HHATL: variants seen among roughly 807,000 people sequenced by gnomAD.
The protein encoded by HHATL is protein-cysteine N-palmitoyltransferase HHAT-like protein.
HHATL carries 49 observed loss-of-function variants against 59.7 expected under a neutral mutation model. The observed-to-expected ratio is 0.82, with a 90% CI of 0.65 to 1.04. The LOEUF (loss-of-function observed/expected upper bound fraction) is 1.04. Among genes scored for constraint, HHATL ranks in the 50% least tolerant of loss-of-function variants. HHATL has a pLI of 0.00. For missense variants in HHATL, 605 were observed against 650.8 expected (o/e 0.93, Z 0.77); for synonymous variants, 238 against 257.3 (o/e 0.93, Z 0.72).
At chr3:42,693,934 A>T in intron 9 of HHATL, 116 bp from the exon 10 acceptor site, 3 of 814,164 alleles carry the variant, frequency 3.7e-6, no homozygotes, top group Non-Finnish European at 6.0e-6. Flanking sequence ...TGCATTCAAC[A>T]TTCCTGACCT....
At chr3:42,700,288 A>G (rs111163406) in intron 2 of HHATL, among the ~76,000 whole-genome samples, 4,520 of 40,204 alleles carry the variant, frequency 0.11, no homozygotes, top group Non-Finnish European at 0.13. Context: ...CTGTGTGTGT[A>G]TGTGTGTGTG....
In HHATL at chr3:42,697,611, G is replaced by T; in HGVS notation, c.762C>A (p.Ser254Arg). Residue 254 changes from serine (S) to arginine (R), a missense_variant, in exon 7 of 12, where the codon AGC (serine) becomes AGA (arginine). Coordinates refer to ENST00000441594, the MANE Select transcript of HHATL (RefSeq NM_020707.4). ...TGTCGACGGCCATGATGGCCACCAC[G>T]CTTAGGCCTGCCTGGGCTCGGATGT... is the stretch of plus-strand genomic sequence containing the variant. The part of the protein sequence containing the change: ...LWHIRAQAGL[S>R]VVAIMAVDIF... The T allele has an allele frequency of 1.2e-6, 2 of 1,614,142 alleles. No homozygotes were observed. The highest frequency in any genetic ancestry group is 1.3e-5 in the African/African-American group (1 of 75,060).
At position 42,698,920 on chromosome 3, in the gene HHATL, G is replaced by T. The variant is rs368151427; in HGVS notation, c.289-18C>A. The T allele has an allele frequency of 1.5e-4, 233 of 1,603,816 alleles. No individual in the cohort carries two copies. Among genetic ancestry groups the T allele is most frequent in the Non-Finnish European group, 1.8e-4 (217 of 1,173,770 alleles). On this transcript the variant is annotated intron_variant, in intron 4 of 11. Transcript: ENST00000441594. ...GAGCGGAGCTGTGGGCAGGGAGAAG[G>T]CTTCAGTTTCGCCATATAAATGGGG...
Position 42,693,215 on chromosome 3 carries a change from A to G in HHATL, c.1252T>C (p.Ser418Pro). ...CTACGGGACATCTGCACTGACAGAG[A>G]GGCCTATCCGGTCCAGGAAAGCATG... The part of the protein sequence containing the change: ...EWGPLARIEA[S>P]LSVQMSRRVR... Residue 418 changes from serine (S) to proline (P), a missense_variant, in exon 11 of 12, where the codon TCT (serine) becomes CCT (proline). Coordinates refer to ENST00000441594, the MANE Select transcript of HHATL (RefSeq NM_020707.4). The G allele has an allele frequency of 6.2e-7, 1 of 1,613,978 alleles. No individual in the cohort carries two copies. The highest frequency in any genetic ancestry group is 1.1e-5 in the South Asian group (1 of 91,074).
At chr3:42,700,690 C>T in intron 2 of HHATL, 31 bp downstream of exon 2, 1 of 1,493,908 alleles carries the variant, frequency 6.7e-7, no homozygotes, top group Non-Finnish European at 9.3e-7. Context: ...AAGAAGGGTC[C>T]TGTCCACCTG....
Position 42,697,130 on chromosome 3 carries a change from G to T in HHATL, c.881C>A (p.Ser294Ter). 2 of 1,540,696 alleles carry T rather than the reference G, an allele frequency of 1.3e-6. No homozygotes were observed. Among genetic ancestry groups the T allele is most frequent in the Non-Finnish European group, 1.8e-6 (2 of 1,142,034 alleles). Reference sequence around the variant, plus strand: ...CTTCACCCAGTCATACACCAGGTTTGAATAGGCTAGGCCAGCTGGGGGCAG... The same window carrying T: ...CTTCACCCAGTCATACACCAGGTTTTAATAGGCTAGGCCAGCTGGGGGCAG... ...PDSALAGLAY[S>*]NLVYDWVKAA... The change falls in exon 8 of 12, where the codon TCA becomes TAA. Residue 294 changes from serine (S) to a stop codon, truncating the protein, a stop_gained. Coordinates refer to ENST00000441594, the MANE Select transcript of HHATL (RefSeq NM_020707.4). LOFTEE classifies it high-confidence loss of function.
chr3:42,698,445 G>C (rs1011045267), intron 5 of HHATL, 94 bp from the exon 6 acceptor site: 22 of 1,207,040 alleles, frequency 1.8e-5, no homozygotes, highest in Non-Finnish European at 2.2e-5. Flanking sequence ...CAGGGGCCCA[G>C]CCTGGTCCTG....
chr3:42,700,586 A>T, intron 2 of HHATL, 135 bp downstream of exon 2: 1 of 612,866 alleles, frequency 1.6e-6, no homozygotes, highest in Non-Finnish European at 2.9e-6. Flanking sequence ...CCGGGCTGAA[A>T]AGGGAGATCC....
chr3:42,693,229 C>T lies in HHATL; in HGVS notation c.1249-11G>A, dbSNP rs779253437. ...CACTGACAGAGAGGCCTATCCGGTC[C>T]AGGAAAGCATGGGCAGCGGGACAAG... is the stretch of plus-strand genomic sequence containing the variant. On this transcript the variant is annotated splice_polypyrimidine_tract_variant and intron_variant, in intron 10 of 11. Coordinates refer to ENST00000441594, the MANE Select transcript of HHATL (RefSeq NM_020707.4). 1 of 1,613,040 alleles carries T rather than the reference C, an allele frequency of 6.2e-7. No individual in the cohort carries two copies. Among genetic ancestry groups the T allele is most frequent in the Non-Finnish European group, 8.5e-7 (1 of 1,179,296 alleles).
rs188722087 is a variant in HHATL, at chr3:42,699,204, C to T, written c.175-59G>A. On this transcript the variant is annotated intron_variant, in intron 3 of 11. Transcript: ENST00000441594. Reference sequence around the variant, plus strand: ...GGTGAGGGTGGGAGAGGGGACAGGACGAGCTGGAACCTGGGCTGGTCAGAG... The same window carrying T: ...GGTGAGGGTGGGAGAGGGGACAGGATGAGCTGGAACCTGGGCTGGTCAGAG... The T allele has an allele frequency of 2.5e-3, 3,053 of 1,214,988 alleles. 9 individuals carry two copies. Among genetic ancestry groups the T allele is most frequent in the Non-Finnish European group, 3.2e-3 (2,633 of 816,896 alleles). 75.3% of individuals were successfully genotyped at this position (1,214,988 alleles called of 1,614,324 possible).
chr3:42,693,912 T>C, intron 9 of HHATL, 94 bp from the exon 10 acceptor site: 1 of 1,029,430 alleles, frequency 9.7e-7, no homozygotes, highest in Non-Finnish European at 1.5e-6. Flanking sequence ...TCCTCAACAC[T>C]GTCACCCTGG....
chr3:42,694,300 A>G (rs1697501140), intron 9 of HHATL: 1 of 166,198 alleles, frequency 6.0e-6, no homozygotes, highest in Non-Finnish European at 1.3e-5. Flanking sequence ...CATCCAAGCA[A>G]GCCAGCAAAT....
chr3:42,698,687 T>C lies in HHATL; in HGVS notation c.483+21A>G, dbSNP rs1350383440. On this transcript the variant is annotated intron_variant, in intron 5 of 11. Coordinates refer to ENST00000441594, the MANE Select transcript of HHATL (RefSeq NM_020707.4). Reference sequence around the variant, plus strand: ...TTTGGGATCTTATCCCTACACCCTCTACCCCTGCACCAGTTCACACCTGCC... The same window carrying C: ...TTTGGGATCTTATCCCTACACCCTCCACCCCTGCACCAGTTCACACCTGCC... The C allele has an allele frequency of 2.0e-6, 3 of 1,536,042 alleles. No homozygotes were observed. In the African/African-American group the frequency reaches 4.2e-5, roughly 21 times the overall value.
At chr3:42,700,631 G>T in intron 2 of HHATL, 90 bp downstream of exon 2, 2 of 786,358 alleles carry the variant, frequency 2.5e-6, no homozygotes, top group Non-Finnish European at 2.1e-6. Context: ...TAGGTCTGGA[G>T]CCTGTAACTT....
At chr3:42,698,014 GC>G (rs1337520232) in intron 6 of HHATL, 127 bp downstream of exon 6, 56 of 1,010,866 alleles carry the variant, frequency 5.5e-5, no homozygotes, top group Non-Finnish European at 3.3e-5. Flanking sequence ...GGGAGACACG[GC>G]TTCATCCTGG....
At chr3:42,698,098 G>C in intron 6 of HHATL, 44 bp downstream of exon 6, 1 of 1,568,524 alleles carries the variant, frequency 6.4e-7, no homozygotes, top group East Asian at 2.2e-5. Flanking sequence ...ATCTGAAAAG[G>C]GAGATTCAGC....
At position 42,693,715 on chromosome 3, in the gene HHATL, C is replaced by G. The variant is rs141757802; in HGVS notation, c.1150G>C (p.Asp384His). ...AGGAATGACCACAGGTAGACAATGT[C>G]ACAAGGCCCAAGCCACAGTGTGGTG... ...AITTLWLGPC[D>H]IVYLWSFLNC... The change falls in exon 10 of 12, where the codon GAC (aspartate) becomes CAC (histidine). Residue 384 changes from aspartate to histidine, a missense_variant. Asp to His is a moderately conservative substitution (Grantham distance 81, BLOSUM62 -1). Transcript: ENST00000441594. 1.2e-6 allele frequency: 2 copies of G among 1,614,210 alleles called. No individual in the cohort carries two copies. Among genetic ancestry groups the G allele is most frequent in the South Asian group, 2.2e-5 (2 of 91,076 alleles).
intron 9 of HHATL, 95 bp downstream of exon 9, chr3:42,696,747 G>T: frequency 1.5e-6 from 2 of 1,366,032 alleles, no homozygotes; most frequent in Non-Finnish European, 2.1e-6. Flanking sequence ...CCCTGGCCCA[G>T]GGGTGATCTT....
At chr3:42,697,199 C>T in intron 7 of HHATL, 54 bp from the exon 8 acceptor site, 7 of 1,502,378 alleles carry the variant, frequency 4.7e-6, no homozygotes, top group Non-Finnish European at 6.2e-6. Context: ...GGCCTGCCCC[C>T]ATGAAGACCC....
Sources: allele counts gnomAD v4.1 joint callset (sites outside exome capture counted in the v4.1 genomes callset), GRCh38; gene constraint gnomAD v4.1.1; transcripts MANE v1.5; gene names NCBI Gene and HGNC (gene_info 2026-07-23, HGNC 2026-07-21).